Variants in CCDC171 observed in about 807,000 individuals in gnomAD.
CCDC171 encodes the protein coiled-coil domain containing 171.
Under a neutral mutation model 168.2 loss-of-function variants are expected in CCDC171, and 177 were observed. That is an observed-to-expected ratio of 1.05 (90% CI 0.93 to 1.19). The LOEUF (loss-of-function observed/expected upper bound fraction) is 1.19. Ranked by LOEUF, CCDC171 falls within the 50% of genes most tolerant of loss-of-function variation. The pLI is 0.00. For synonymous variants in CCDC171, 687 were observed against 540.8 expected (o/e 1.27, Z -3.75); for missense variants, 1,991 against 1,539.0 (o/e 1.29, Z -4.91).
At chr9:16,067,737 C>G in the CCDC171 span, among the ~76,000 whole-genome samples, 1 of 152,082 alleles carries the variant, frequency 6.6e-6, no homozygotes, top group Non-Finnish European at 1.5e-5. Context: ...CCCCATTGCT[C>G]GTTTTTCTCA....
At chr9:15,910,552 C>CT (rs938857788) in intron 24 of CCDC171, among the ~76,000 whole-genome samples, 3 of 151,902 alleles carry the variant, frequency 2.0e-5, no homozygotes, top group Non-Finnish European at 2.9e-5. Context: ...TATTAGGGCT[C>CT]TTTTTTTAAT....
At chr9:15,846,451 A>G (rs181751539) in intron 21 of CCDC171, among the ~76,000 whole-genome samples, 127 of 152,270 alleles carry the variant, frequency 8.3e-4, no homozygotes, top group Admixed American at 1.4e-3. Flanking sequence ...TAAGAATACA[A>G]TTTGCCTTGC....
At chr9:15,786,875 G>A (rs1015567395) in intron 21 of CCDC171, among the ~76,000 whole-genome samples, 5 of 152,072 alleles carry the variant, frequency 3.3e-5, no homozygotes, top group Non-Finnish European at 5.9e-5. Context: ...GCCGACAACA[G>A]ATAACCACCT....
intron 2 of CCDC171, among the ~76,000 whole-genome samples, chr9:15,570,795 CTT>C (rs1371266199): frequency 3.3e-5 from 5 of 152,202 alleles, no homozygotes; most frequent in Non-Finnish European, 5.9e-5. Context: ...CCTTATATAA[CTT>C]TTAACTCAAG....
chr9:15,713,222 G>A (rs924164429), intron 11 of CCDC171, among the ~76,000 whole-genome samples: 7 of 152,082 alleles, frequency 4.6e-5, no homozygotes, highest in Admixed American at 2.0e-4. Context: ...CTGTTCTCCC[G>A]AGCCAGCCTT....
intron 21 of CCDC171, among the ~76,000 whole-genome samples, chr9:15,827,793 G>A (rs1004233274): frequency 2.0e-5 from 3 of 152,110 alleles, no homozygotes; most frequent in African/African-American, 7.2e-5. Context: ...TGATTTTTGA[G>A]CCTTTAGTTT....
chr9:15,944,856 C>A, intron 25 of CCDC171, among the ~76,000 whole-genome samples: 1 of 149,662 alleles, frequency 6.7e-6, no homozygotes, highest in Middle Eastern at 3.2e-3. Context: ...TTCTTTCTTT[C>A]TTTCTTTCTT....
intron 4 of CCDC171, among the ~76,000 whole-genome samples, chr9:15,580,658 T>C (rs2041038295): frequency 6.6e-6 from 1 of 152,114 alleles, no homozygotes; most frequent in Non-Finnish European, 1.5e-5. Context: ...ATCAGGGACA[T>C]GCAAGTCAAA....
At chr9:15,782,213 A>G (rs2057701082) in intron 20 of CCDC171, among the ~76,000 whole-genome samples, 1 of 152,200 alleles carries the variant, frequency 6.6e-6, no homozygotes, top group African/African-American at 2.4e-5. Flanking sequence ...TATGAAGGGA[A>G]ACATCCTGCT....
chr9:15,556,925 T>TA (rs530838072), intron 1 of CCDC171, among the ~76,000 whole-genome samples: 37 of 152,308 alleles, frequency 2.4e-4, no homozygotes, highest in African/African-American at 8.7e-4. Flanking sequence ...GTGTAAGGTA[T>TA]AAGGAAGGGT....
chr9:16,008,635 T>C (rs1832775009), intron 3 of CCDC171, among the ~76,000 whole-genome samples: 1 of 152,166 alleles, frequency 6.6e-6, no homozygotes, highest in South Asian at 2.1e-4. Context: ...ATTTTGTAAT[T>C]CTTTCTGGCT....
intron 6 of CCDC171, among the ~76,000 whole-genome samples, chr9:15,614,585 AC>A (rs1173621673): frequency 6.6e-6 from 1 of 152,110 alleles, no homozygotes; most frequent in Non-Finnish European, 1.5e-5. Context: ...TTTTGGTGCT[AC>A]CCCATTCTGG....
intron 18 of CCDC171, among the ~76,000 whole-genome samples, chr9:15,774,122 T>C (rs2057165826): frequency 6.6e-6 from 1 of 151,876 alleles, no homozygotes; most frequent in Non-Finnish European, 1.5e-5. Context: ...GGTGGGCATC[T>C]GTAACCCCAG....
At chr9:16,092,325 A>C in the CCDC171 span, among the ~76,000 whole-genome samples, 4 of 152,140 alleles carry the variant, frequency 2.6e-5, no homozygotes, top group African/African-American at 9.7e-5. Flanking sequence ...GCTTGTTCGA[A>C]ATGCAGATTC....
chr9:16,032,871 C>G lies in CCDC171; in HGVS notation n.999-2586C>G, dbSNP rs539592277. Among the ~76,000 whole-genome samples the G allele has an allele frequency of 4.4e-4, 67 of 152,320 alleles. No homozygotes were observed. The South Asian group carries it at 6.0e-3, about 14-fold the overall frequency. On this transcript the variant is annotated intron_variant and non_coding_transcript_variant, in intron 6 of 9. Coordinates refer to the CCDC171 transcript ENST00000486641. Reference sequence around the variant, plus strand: ...AGGCAGCTGTAGGGATTTGGCAAAACAGGGACAAATGCACAGGCTCTCCAG... The same window carrying G: ...AGGCAGCTGTAGGGATTTGGCAAAAGAGGGACAAATGCACAGGCTCTCCAG...
chr9:16,010,280 A>G (rs866253958), intron 3 of CCDC171, among the ~76,000 whole-genome samples: 1 of 152,142 alleles, frequency 6.6e-6, no homozygotes, highest in African/African-American at 2.4e-5. Context: ...CCCAAACTTT[A>G]TATTATAATT....
chr9:15,857,951 A>C (rs1034961084), intron 23 of CCDC171, among the ~76,000 whole-genome samples: 2 of 151,968 alleles, frequency 1.3e-5, no homozygotes, highest in Non-Finnish European at 2.9e-5. Context: ...ATATATGTAT[A>C]TATGCATATG....
At chr9:15,587,061 G>T (rs182517278) in intron 4 of CCDC171, among the ~76,000 whole-genome samples, 61 of 152,258 alleles carry the variant, frequency 4.0e-4, no homozygotes, top group African/African-American at 1.5e-3. Context: ...AATCCTCCAA[G>T]CTTGGCCTCC....
chr9:15,774,653 C>G (rs1458277862), intron 18 of CCDC171, among the ~76,000 whole-genome samples: 1 of 152,188 alleles, frequency 6.6e-6, no homozygotes, highest in African/African-American at 2.4e-5. Flanking sequence ...GATACTTGCA[C>G]ACGCATGTTG....
Sources: allele counts gnomAD v4.1 joint callset (sites outside exome capture counted in the v4.1 genomes callset), GRCh38; gene constraint gnomAD v4.1.1; transcripts MANE v1.5; gene names NCBI Gene and HGNC (gene_info 2026-07-23, HGNC 2026-07-21).